OSMR: variants seen among roughly 807,000 people sequenced by gnomAD.
The protein encoded by OSMR is oncostatin-M-specific receptor subunit beta.
A neutral mutation model predicts 99.9 loss-of-function variants in OSMR; 81 were observed. The observed-to-expected ratio is 0.81, with a 90% confidence interval of 0.68 to 0.97. The LOEUF is 0.97. OSMR is among the 50% of genes least tolerant of loss of function. OSMR has a pLI of 0.00. For synonymous variants in OSMR, 406 were observed against 410.4 expected (o/e 0.99, Z 0.13); for missense variants, 1,099 against 1,153.4 (o/e 0.95, Z 0.68).
rs1372621291 is a variant in OSMR at position 38,869,126 on chromosome 5, T to C, written c.73+9T>C. ...GACTTACCAGAGTGAAGGTAAGAAG[T>C]GGAAGGAACAGTAAAGACAAAAATC... On this transcript the variant is annotated intron_variant, in intron 2 of 17. Coordinates refer to ENST00000274276, the MANE Select transcript of OSMR (RefSeq NM_003999.3). The C allele has an allele frequency of 4.4e-6, 7 of 1,593,574 alleles. No homozygotes were observed. The highest frequency in any genetic ancestry group is 6.0e-6 in the Non-Finnish European group (7 of 1,161,380).
Position 38,918,954 on chromosome 5 carries a change from A to C in OSMR, c.1477A>C (p.Thr493Pro). ...LHSIPAPANSTKLILDRCSYQ... is the reference protein window; with the variant it reads ...LHSIPAPANSPKLILDRCSYQ... ...TTCCATTCCAGCACCAGCCAACAGCACAAAACTAATCCTTGACAGGTGTTC... is the reference window on the plus strand; with the variant it reads ...TTCCATTCCAGCACCAGCCAACAGCCCAAAACTAATCCTTGACAGGTGTTC... The change falls in exon 11 of 18, where the codon ACA (threonine) becomes CCA (proline). Residue 493 changes from threonine (T) to proline (P), a missense_variant. Physicochemically the swap from Thr to Pro is conservative, Grantham distance 38. Transcript: ENST00000274276. 2.5e-6 allele frequency: 4 copies of C among 1,614,202 alleles called. No homozygotes were observed. In the South Asian group the frequency reaches 3.3e-5, roughly 13 times the overall value.
chr5:38,872,111 C>T (rs904084096), intron 2 of OSMR, among the ~76,000 whole-genome samples: 2 of 152,152 alleles, frequency 1.3e-5, no homozygotes, highest in East Asian at 1.9e-4. Flanking sequence ...TCAATTTCCT[C>T]GTCTGAAAAA....
chr5:38,866,942 G>A lies in OSMR; in HGVS notation c.-13-2090G>A, dbSNP rs1452115500. On this transcript the variant is annotated intron_variant, in intron 1 of 17. Transcript: ENST00000274276. Reference sequence around the variant, plus strand: ...TCTTGCTCTGAGCCAATCCTGGCTGGGTCATCTGCTTTACCTCTCTCTCCT... The same window carrying A: ...TCTTGCTCTGAGCCAATCCTGGCTGAGTCATCTGCTTTACCTCTCTCTCCT... Among the ~76,000 whole-genome samples, 3 of 152,050 alleles carry A rather than the reference G, an allele frequency of 2.0e-5. No homozygotes were observed. In the East Asian group the frequency reaches 5.8e-4, roughly 29 times the overall value.
chr5:38,883,100 G>C (rs899945050), intron 4 of OSMR, among the ~76,000 whole-genome samples: 1 of 152,178 alleles, frequency 6.6e-6, no homozygotes, highest in African/African-American at 2.4e-5. Context: ...GATTGCCTGA[G>C]CTCAGGAGTT....
In OSMR at chr5:38,886,049, G is replaced by A. The variant is rs1743726405; in HGVS notation, c.850G>A (p.Glu284Lys). 6 of 1,613,212 alleles carry A rather than the reference G, an allele frequency of 3.7e-6. No homozygotes were observed. The highest frequency in any genetic ancestry group is 2.5e-6 in the Non-Finnish European group (3 of 1,179,802). The change falls in exon 7 of 18, where the codon GAA becomes AAA. Residue 284 changes from glutamate (E) to lysine (K), a missense_variant. Transcript: ENST00000274276. The stretch of plus-strand genomic sequence containing the variant: ...GTTTTGTTTTTAAAGATTTTCTGGG[G>A]AAAAGAAACTTTGTACACACAAAAA... ...SYTLFESFSG[E>K]KKLCTHKNWC...
At chr5:38,915,409 C>T (rs1018872268) in intron 9 of OSMR, among the ~76,000 whole-genome samples, 10 of 152,100 alleles carry the variant, frequency 6.6e-5, no homozygotes, top group Admixed American at 5.2e-4. Context: ...ATTTGGCAAA[C>T]TGAGAGTTGG....
In OSMR at chr5:38,921,785, A is replaced by G. The variant is rs1561405883; in HGVS notation, c.1756A>G (p.Ile586Val). Reference protein sequence around the residue: ...NVGPNTTSTVISTDAFRPGVR... With the variant: ...NVGPNTTSTVVSTDAFRPGVR... ...AGGTCCCAATACCACAAGCACAGTC[A>G]TTAGCACAGGTAAGAAGAAGCTTCC... The change falls in exon 12 of 18, where the codon ATT becomes GTT. Residue 586 changes from isoleucine (I) to valine (V), a missense_variant. Physicochemically the swap from Ile to Val is conservative, Grantham distance 29. Coordinates refer to ENST00000274276, the MANE Select transcript of OSMR (RefSeq NM_003999.3). 4 of 1,613,578 alleles carry G rather than the reference A, an allele frequency of 2.5e-6. No homozygotes were observed. The highest frequency in any genetic ancestry group is 3.4e-6 in the Non-Finnish European group (4 of 1,179,474).
chr5:38,907,546 G>A (rs1159461782), intron 9 of OSMR, among the ~76,000 whole-genome samples: 1 of 152,122 alleles, frequency 6.6e-6, no homozygotes, highest in East Asian at 1.9e-4. Flanking sequence ...CCCATGAGAT[G>A]GGGCCAGTCC....
intron 6 of OSMR, chr5:38,885,827 A>C (rs1230501701): frequency 1.0e-6 from 1 of 957,020 alleles, no homozygotes; most frequent in Non-Finnish European, 1.2e-6. Context: ...ACGGGGAGTC[A>C]GTGATTCATG....
downstream of OSMR, chr5:38,939,055 T>A (rs2112745389): frequency 4.3e-6 from 1 of 233,064 alleles, no homozygotes; most frequent in Admixed American, 5.6e-5. Context: ...AATTAGCACC[T>A]CACTCTTACC....
intron 6 of OSMR, 23 bp downstream of exon 6, chr5:38,885,507 A>G: frequency 3.1e-6 from 5 of 1,613,836 alleles, no homozygotes; most frequent in Non-Finnish European, 4.2e-6. Flanking sequence ...TGGTTACATT[A>G]TTGACAACTT....
chr5:38,908,410 A>G (rs1366387737), intron 9 of OSMR, among the ~76,000 whole-genome samples: 1 of 152,218 alleles, frequency 6.6e-6, no homozygotes, highest in African/African-American at 2.4e-5. Context: ...CAGCTGATGC[A>G]CATACAAACC....
At chr5:38,901,756 G>A (rs966894625) in intron 7 of OSMR, among the ~76,000 whole-genome samples, 7 of 152,174 alleles carry the variant, frequency 4.6e-5, no homozygotes, top group Non-Finnish European at 1.0e-4. Flanking sequence ...GGTTCTAAAA[G>A]CAGTGCCTGG....
chr5:38,918,345 C>T (rs986891653), intron 10 of OSMR, among the ~76,000 whole-genome samples: 3 of 151,970 alleles, frequency 2.0e-5, no homozygotes, highest in Admixed American at 6.6e-5. Context: ...ACTGTGTGGG[C>T]AAGAATTTCT....
chr5:38,863,131 C>T (rs1741620527), intron 1 of OSMR, among the ~76,000 whole-genome samples: 1 of 140,274 alleles, frequency 7.1e-6, no homozygotes, highest in Admixed American at 7.3e-5. Flanking sequence ...CCAGCTTCGG[C>T]TCGGCATCAG....
chr5:38,930,653 G>A (rs1385234662), intron 15 of OSMR, among the ~76,000 whole-genome samples: 3 of 152,198 alleles, frequency 2.0e-5, no homozygotes, highest in African/African-American at 7.2e-5. Context: ...CAGGAAGATA[G>A]TGTCAGTCTA....
chr5:38,938,085 T>A (rs1477584377), downstream of OSMR: 3 of 206,896 alleles, frequency 1.5e-5, no homozygotes, highest in East Asian at 2.2e-4. Context: ...CAAATCTTAT[T>A]TAAATTATAC....
intron 7 of OSMR, among the ~76,000 whole-genome samples, chr5:38,894,488 A>G (rs771634398): frequency 6.6e-6 from 1 of 152,258 alleles, no homozygotes; most frequent in African/African-American, 2.4e-5. Context: ...GCTCAAAGTA[A>G]AGGGTTGGAG....
rs1017810037 is a variant in OSMR, at chr5:38,855,536, G to A, written c.-14+9149G>A. ...TCTTCGAGGGGCTCTGGTCAAAACT[G>A]TTGTAGCCATCCATGATGTGTCACT... is the stretch of plus-strand genomic sequence containing the variant. On this transcript the variant is annotated intron_variant, in intron 1 of 17. Coordinates refer to ENST00000274276, the MANE Select transcript of OSMR (RefSeq NM_003999.3). Among the ~76,000 whole-genome samples, 8 of 152,238 alleles carry A rather than the reference G, an allele frequency of 5.3e-5. No homozygotes were observed. In the East Asian group the frequency reaches 1.5e-3, roughly 29 times the overall value.
Sources: allele counts gnomAD v4.1 joint callset (sites outside exome capture counted in the v4.1 genomes callset), GRCh38; gene constraint gnomAD v4.1.1; transcripts MANE v1.5; gene names NCBI Gene and HGNC (gene_info 2026-07-23, HGNC 2026-07-21).